The following SESTD1 variants were observed in gnomAD, a reference collection of about 807,000 sequenced individuals.
SESTD1 encodes the protein SEC14 and spectrin domain containing 1, also known as SEC14 domain and spectrin repeat-containing protein 1.
In SESTD1, 43 loss-of-function variants were observed where a neutral mutation model predicts 101.7. That is an observed-to-expected ratio of 0.42 (90% CI 0.33 to 0.55). The LOEUF (loss-of-function observed/expected upper bound fraction) is 0.55, where lower values mean the gene tolerates loss of function less well. Among genes scored for constraint, SESTD1 ranks in the 20% least tolerant of loss-of-function variants. SESTD1 has a pLI of 0.07. For synonymous variants in SESTD1, 283 were observed against 286.8 expected, an observed-to-expected ratio of 0.99 and a Z score of 0.13; for missense variants, 647 against 815.1, an observed-to-expected ratio of 0.79 and a Z score of 2.51.
At chr2:179,124,242 C>G in intron 11 of SESTD1, 122 bp downstream of exon 11, 1 of 874,530 alleles carries the variant, frequency 1.1e-6, no homozygotes, top group Non-Finnish European at 1.7e-6. Context: ...TTACCCCCAC[C>G]AGTAATTCAT....
chr2:179,199,227 C>G (rs2046458919), intron 1 of SESTD1, among the ~76,000 whole-genome samples: 1 of 151,946 alleles, frequency 6.6e-6, no homozygotes, highest in African/African-American at 2.4e-5. Flanking sequence ...AATTCCTCGA[C>G]ACATACACTC....
At chr2:179,232,341 A>G (rs2047000078) in intron 1 of SESTD1, among the ~76,000 whole-genome samples, 3 of 152,090 alleles carry the variant, frequency 2.0e-5, no homozygotes, top group Non-Finnish European at 4.4e-5. Flanking sequence ...TAATTCAAAA[A>G]GAACAAACTA....
At chr2:179,133,454 C>T (rs1379758217) in intron 9 of SESTD1, among the ~76,000 whole-genome samples, 1 of 152,116 alleles carries the variant, frequency 6.6e-6, no homozygotes, top group Non-Finnish European at 1.5e-5. Context: ...AGTTCTCATG[C>T]AGAAGGAGAG....
intron 2 of SESTD1, among the ~76,000 whole-genome samples, chr2:179,188,723 AAG>A (rs1278228052): frequency 6.6e-6 from 1 of 152,194 alleles, no homozygotes; most frequent in Admixed American, 6.5e-5. Flanking sequence ...AAAGAAAAAA[AAG>A]AGAGGAGATC....
At chr2:179,125,529 T>A (rs2044853404) in intron 10 of SESTD1, among the ~76,000 whole-genome samples, 1 of 152,176 alleles carries the variant, frequency 6.6e-6, no homozygotes, top group African/African-American at 2.4e-5. Context: ...CTCTCTCTTT[T>A]CCCTCACATC....
intron 1 of SESTD1, among the ~76,000 whole-genome samples, chr2:179,244,463 AAAAC>A (rs1049370487): frequency 2.2e-5 from 3 of 137,612 alleles, no homozygotes; most frequent in African/African-American, 1.0e-4. Flanking sequence ...TGTCTCAAAA[AAAAC>A]AAACCAACAA....
chr2:179,140,427 G>A (rs1261721223), intron 9 of SESTD1, among the ~76,000 whole-genome samples: 1 of 152,116 alleles, frequency 6.6e-6, no homozygotes, highest in Admixed American at 6.5e-5. Flanking sequence ...TGTGAAGACA[G>A]GCAGAAGATG....
At chr2:179,188,190 G>A (rs139701457) in intron 2 of SESTD1, among the ~76,000 whole-genome samples, 29 of 152,188 alleles carry the variant, frequency 1.9e-4, no homozygotes, top group African/African-American at 6.0e-4. Flanking sequence ...CATAATGCAA[G>A]TCTTGATAAA....
intron 2 of SESTD1, among the ~76,000 whole-genome samples, chr2:179,184,052 A>C (rs2046166909): frequency 6.6e-6 from 1 of 152,192 alleles, no homozygotes; most frequent in Admixed American, 6.6e-5. Flanking sequence ...AACCCTGCCC[A>C]GCTGAGAAGG....
intron 1 of SESTD1, among the ~76,000 whole-genome samples, chr2:179,257,010 A>C (rs1303216492): frequency 1.3e-5 from 2 of 152,152 alleles, no homozygotes; most frequent in African/African-American, 4.8e-5. Flanking sequence ...CAAATTGTGA[A>C]AGTTCTACTA....
chr2:179,150,492 T>C (rs2045495839), intron 6 of SESTD1, among the ~76,000 whole-genome samples: 1 of 151,968 alleles, frequency 6.6e-6, no homozygotes, highest in Admixed American at 6.6e-5. Flanking sequence ...AAATATCCTC[T>C]GAAAATGGTA....
At chr2:179,216,433 G>A (rs993287619) in intron 1 of SESTD1, among the ~76,000 whole-genome samples, 1 of 134,566 alleles carries the variant, frequency 7.4e-6, no homozygotes, top group Non-Finnish European at 1.6e-5. Context: ...CGGATGTGAA[G>A]GACCTCTTCA....
At chr2:179,253,927 C>T (rs898664584) in intron 1 of SESTD1, among the ~76,000 whole-genome samples, 3 of 151,730 alleles carry the variant, frequency 2.0e-5, no homozygotes, top group African/African-American at 7.3e-5. Context: ...GGCATAAACC[C>T]TGAGTCTATA....
At chr2:179,128,055 A>G (rs1469953941) in intron 10 of SESTD1, among the ~76,000 whole-genome samples, 3 of 152,210 alleles carry the variant, frequency 2.0e-5, no homozygotes, top group Non-Finnish European at 4.4e-5. Flanking sequence ...GCATTAGACC[A>G]CTTGGGGTGT....
At chr2:179,117,715 T>A in intron 13 of SESTD1, 102 bp from the exon 14 acceptor site, 1 of 890,346 alleles carries the variant, frequency 1.1e-6, no homozygotes, top group Non-Finnish European at 1.7e-6. Context: ...ACTAAAATAC[T>A]TAGTCCTAAA....
intron 1 of SESTD1, among the ~76,000 whole-genome samples, chr2:179,243,840 C>T (rs1050673530): frequency 1.3e-5 from 2 of 151,202 alleles, no homozygotes; most frequent in Non-Finnish European, 3.0e-5. Context: ...CCATTCATAC[C>T]CTAACTTCAG....
chr2:179,201,689 C>T (rs1374082902), intron 1 of SESTD1, among the ~76,000 whole-genome samples: 1 of 120,978 alleles, frequency 8.3e-6, no homozygotes, highest in African/African-American at 3.5e-5. Flanking sequence ...AACCAAACAC[C>T]GCATATTCTC....
chr2:179,232,308 C>A (rs1445815511), intron 1 of SESTD1, among the ~76,000 whole-genome samples: 1 of 151,872 alleles, frequency 6.6e-6, no homozygotes, highest in Non-Finnish European at 1.5e-5. Flanking sequence ...TAGCTTTGAA[C>A]ATTTATATCA....
intron 9 of SESTD1, among the ~76,000 whole-genome samples, chr2:179,139,083 T>C (rs2045220709): frequency 6.6e-6 from 1 of 152,154 alleles, no homozygotes; most frequent in Non-Finnish European, 1.5e-5. Context: ...TACCATGACA[T>C]GCATATTCCC....
Sources: allele counts gnomAD v4.1 joint callset (sites outside exome capture counted in the v4.1 genomes callset), GRCh38; gene constraint gnomAD v4.1.1; transcripts MANE v1.5; gene names NCBI Gene and HGNC (gene_info 2026-07-23, HGNC 2026-07-21).